SCYL3: variants seen among roughly 807,000 people sequenced by gnomAD.
The protein encoded by SCYL3 is protein-associating with the carboxyl-terminal domain of ezrin.
Under a neutral mutation model 73.8 loss-of-function variants are expected in SCYL3, and 35 were observed. The observed-to-expected ratio is 0.47, with a 90% CI of 0.36 to 0.63. SCYL3 has a LOEUF of 0.63. Ranked by LOEUF, SCYL3 falls within the 20% of genes least tolerant of loss-of-function variation. The pLI is 0.00. For missense variants in SCYL3, 712 were observed against 798.9 expected (o/e 0.89, Z 1.31); for synonymous variants, 277 against 295.2 (o/e 0.94, Z 0.63).
chr1:169,867,476 T>C (rs1031285218), intron 7 of SCYL3, among the ~76,000 whole-genome samples: 1 of 152,206 alleles, frequency 6.6e-6, no homozygotes, highest in Non-Finnish European at 1.5e-5. Flanking sequence ...GTCGGTTTCC[T>C]ACAGGGCTGC....
At position 169,851,888 on chromosome 1, in the gene SCYL3, A is replaced by T. The variant is rs746862979; in HGVS notation, c.*1825T>A. On this transcript the variant is annotated 3_prime_UTR_variant, in exon 13 of 13. Transcript: ENST00000367771. ...AACAGGAAAAAGGTATTTTCTGGGA[A>T]CCCTTTGCTAATGTGACTGTAGAAG... 1 of 1,613,800 alleles carries T rather than the reference A, an allele frequency of 6.2e-7. No individual in the cohort carries two copies. The highest frequency in any genetic ancestry group is 1.3e-5 in the African/African-American group (1 of 74,854).
rs1658221279 is a variant in SCYL3 at position 169,851,053 on chromosome 1, T to G, written c.*2660A>C. The G allele has an allele frequency of 1.3e-5, 1 of 79,250 alleles. No individual in the cohort carries two copies. Among genetic ancestry groups the G allele is most frequent in the Non-Finnish European group, 2.5e-5 (1 of 39,888 alleles). 4.9% of individuals were successfully genotyped at this position (79,250 alleles called of 1,614,324 possible). A position where few individuals can be genotyped will look rare whatever the true frequency, so the allele number is the denominator to read the frequency against. ...AGGGTAAGCTCAGGGCCCTTTTTTT[T>G]TTTTTTTTTTTTTTTTTTTTGGCAT... On this transcript the variant is annotated 3_prime_UTR_variant, in exon 13 of 13. Transcript: ENST00000367771.
intron 2 of SCYL3, among the ~76,000 whole-genome samples, chr1:169,885,713 G>A (rs1259236648): frequency 6.6e-6 from 1 of 152,144 alleles, no homozygotes; most frequent in Non-Finnish European, 1.5e-5. Flanking sequence ...TTGAGGTACT[G>A]ATAAAACTTT....
At chr1:169,885,377 G>A (rs1661606470) in intron 2 of SCYL3, among the ~76,000 whole-genome samples, 1 of 152,088 alleles carries the variant, frequency 6.6e-6, no homozygotes, top group African/African-American at 2.4e-5. Flanking sequence ...TTCTGCCTCT[G>A]ATTCGCTATT....
chr1:169,856,912 C>G (rs1430657877), intron 11 of SCYL3, among the ~76,000 whole-genome samples: 1 of 152,150 alleles, frequency 6.6e-6, no homozygotes, highest in Non-Finnish European at 1.5e-5. Context: ...TAGAGAAAAG[C>G]CTATCTGATT....
At chr1:169,861,034 C>T (rs1456400064) in intron 10 of SCYL3, among the ~76,000 whole-genome samples, 9 of 152,228 alleles carry the variant, frequency 5.9e-5, no homozygotes. Context: ...ATGATGACAA[C>T]TCCATTTCAG....
At chr1:169,864,651 G>A (rs572121426) in intron 8 of SCYL3, 143 bp from the exon 9 acceptor site, 4 of 873,838 alleles carry the variant, frequency 4.6e-6, no homozygotes, top group South Asian at 4.1e-5. Context: ...GAACAGATTG[G>A]TCCCCAAGTA....
Position 169,888,902 on chromosome 1 carries a change from CAG to C in SCYL3, c.-50-14_-50-13del. The C allele has an allele frequency of 2.1e-6, 3 of 1,436,510 alleles. No homozygotes were observed. The highest frequency in any genetic ancestry group is 2.8e-6 in the Non-Finnish European group (3 of 1,074,836). The allele number at this position is 1,436,510 out of a possible 1,614,324, so 89.0% of individuals were successfully genotyped here. A position where few individuals can be genotyped will look rare whatever the true frequency, so the allele number is the denominator to read the frequency against. ...AAAGCCAAGCAGATCTAAAAGAAAA[CAG>C]AAAACAATTTCAAACATTAAATCCC... On this transcript the variant is annotated splice_polypyrimidine_tract_variant and intron_variant, in intron 1 of 12. Coordinates refer to ENST00000367771, the MANE Select transcript of SCYL3 (RefSeq NM_020423.7).
At position 169,854,298 on chromosome 1, in the gene SCYL3, G is replaced by A. The variant is rs1414611282; in HGVS notation, c.1979C>T (p.Ser660Leu). 2 of 1,607,120 alleles carry A rather than the reference G, an allele frequency of 1.2e-6. No homozygotes were observed. Among genetic ancestry groups the A allele is most frequent in the South Asian group, 2.2e-5 (2 of 89,560 alleles). ...AGTAATTTCTGCTGCAGCAAATTTT[G>A]AGGAAAACTGCATCACTGGGGAGAC... ...DDVSPVMQFS[S>L]KFAAAEITEG... The change falls in exon 12 of 13, where the codon TCA (serine) becomes TTA (leucine). Residue 660 changes from serine (S) to leucine (L), a missense_variant. Transcript: ENST00000367771.
chr1:169,850,755 C>G lies in SCYL3; in HGVS notation c.*2958G>C. 1 of 164,718 alleles carries G rather than the reference C, an allele frequency of 6.1e-6. No homozygotes were observed. Among genetic ancestry groups the G allele is most frequent in the Non-Finnish European group, 1.3e-5 (1 of 74,736 alleles). The allele number at this position is 164,718 out of a possible 1,614,324, so 10.2% of individuals were successfully genotyped here. On this transcript the variant is annotated 3_prime_UTR_variant, in exon 13 of 13. Coordinates refer to ENST00000367771, the MANE Select transcript of SCYL3 (RefSeq NM_020423.7). ...AGATTGCAGTAAGCCAAGATCATGC[C>G]ACTGCACTCCAGCCTGAGCGACAGA... is the stretch of plus-strand genomic sequence containing the variant.
At chr1:169,881,004 C>G (rs563617098) in intron 2 of SCYL3, among the ~76,000 whole-genome samples, 1 of 152,298 alleles carries the variant, frequency 6.6e-6, no homozygotes, top group South Asian at 2.1e-4. Flanking sequence ...TCGGGCAATC[C>G]GCCCACCTCA....
chr1:169,852,132 C>G lies in SCYL3; in HGVS notation c.*1581G>C. 1.5e-6 allele frequency: 1 copy of G among 673,074 alleles called. No homozygotes were observed. Among genetic ancestry groups the G allele is most frequent in the Non-Finnish European group, 2.5e-6 (1 of 399,614 alleles). The allele number at this position is 673,074 out of a possible 1,614,324, so 41.7% of individuals were successfully genotyped here. A position where few individuals can be genotyped will look rare whatever the true frequency, so the allele number is the denominator to read the frequency against. Reference sequence around the variant, plus strand: ...GGGACTACACCATATCAAATATATTCTTTCAGTATGTTTGAATTATTGGTA... The same window carrying G: ...GGGACTACACCATATCAAATATATTGTTTCAGTATGTTTGAATTATTGGTA... On this transcript the variant is annotated 3_prime_UTR_variant, in exon 13 of 13. Coordinates refer to ENST00000367771, the MANE Select transcript of SCYL3 (RefSeq NM_020423.7).
In SCYL3 at chr1:169,884,618, C is replaced by T. The variant is rs547771816; in HGVS notation, c.165+4058G>A. ...TGGCCTACAGGTGTGTTTTGAGCTA[C>T]GGTTTCTGTATAAAATTATGTAGCC... On this transcript the variant is annotated intron_variant, in intron 2 of 12. Coordinates refer to ENST00000367771, the MANE Select transcript of SCYL3 (RefSeq NM_020423.7). Among the ~76,000 whole-genome samples, 8 of 152,224 alleles carry T rather than the reference C, an allele frequency of 5.3e-5. No individual in the cohort carries two copies. The East Asian group carries it at 7.7e-4, about 15-fold the overall frequency.
rs1284898967 is a variant in SCYL3 at position 169,854,701 on chromosome 1, T to TATC, written c.1573_1575dup (p.Asp525dup). The TATC allele has an allele frequency of 6.2e-7, 1 of 1,614,072 alleles. No homozygotes were observed. The highest frequency in any genetic ancestry group is 8.5e-7 in the Non-Finnish European group (1 of 1,179,948). On this transcript the variant is annotated inframe_insertion, in exon 12 of 13. Transcript: ENST00000367771. The stretch of plus-strand genomic sequence containing the variant: ...ATTCCACCTCCTGGGTTTACTTTAG[T>TATC]ATCTAAGCTGCTGGGCTCGCAGTCA...
At chr1:169,869,265 A>G (rs931345823) in intron 6 of SCYL3, 4 of 520,136 alleles carry the variant, frequency 7.7e-6, no homozygotes, top group African/African-American at 3.8e-5. Flanking sequence ...ATTCCCTTCT[A>G]TACCCTCTCA....
In SCYL3 at chr1:169,854,551, C is replaced by T. The variant is rs193246431; in HGVS notation, c.1726G>A (p.Asp576Asn). 4.3e-6 allele frequency: 7 copies of T among 1,613,498 alleles called. No homozygotes were observed. In the African/African-American group the frequency reaches 6.7e-5, roughly 15 times the overall value. ...PQKISLVQRG[D>N]DADQIEPPKV... ...GGCGGCTCGATTTGGTCTGCGTCATCCCCCCTTTGTACAAGGCTAATCTTT... is the reference window on the plus strand; with the variant it reads ...GGCGGCTCGATTTGGTCTGCGTCATTCCCCCTTTGTACAAGGCTAATCTTT... Residue 576 changes from aspartate to asparagine, a missense_variant, in exon 12 of 13, where the codon GAT (aspartate) becomes AAT (asparagine). By Grantham distance (23) the Asp-to-Asn change is conservative. Transcript: ENST00000367771.
chr1:169,872,710 A>G (rs1159337423), intron 5 of SCYL3, among the ~76,000 whole-genome samples: 1 of 152,190 alleles, frequency 6.6e-6, no homozygotes, highest in Admixed American at 6.5e-5. Context: ...ATGGGAACCC[A>G]CCGCTTGCAT....
At chr1:169,889,860 T>C (rs574143785) in intron 1 of SCYL3, among the ~76,000 whole-genome samples, 24 of 152,360 alleles carry the variant, frequency 1.6e-4, no homozygotes, top group East Asian at 1.3e-3. Flanking sequence ...AAAAGAAATA[T>C]ATGTATACAT....
At chr1:169,865,713 T>C (rs773177419) in intron 8 of SCYL3, among the ~76,000 whole-genome samples, 1 of 152,224 alleles carries the variant, frequency 6.6e-6, no homozygotes, top group Non-Finnish European at 1.5e-5. Context: ...GCACTCTCAC[T>C]GCTGGAACAG....
Sources: gnomAD v4.1 joint callset for allele counts (sites outside exome capture counted in the v4.1 genomes callset) on GRCh38, gnomAD v4.1.1 for gene constraint, MANE v1.5 for transcripts, NCBI Gene and HGNC (gene_info 2026-07-23, HGNC 2026-07-21) for gene names.